The following FARP1 variants were observed in gnomAD, a reference collection of about 807,000 sequenced individuals.
FARP1 encodes FERM, ARH/RhoGEF and pleckstrin domain protein 1, also known as FERM, ARHGEF and pleckstrin domain-containing protein 1.
Under a neutral mutation model 128.8 loss-of-function variants are expected in FARP1, and 52 were observed. The observed-to-expected ratio is 0.40, with a 90% CI of 0.32 to 0.51. FARP1 has a LOEUF of 0.51. Among genes scored for constraint, FARP1 ranks in the 20% least tolerant of loss-of-function variants. The probability of loss-of-function intolerance (pLI) is 0.45; values close to 1 mark genes in which losing one functional copy is unlikely to be tolerated. For synonymous variants in FARP1, 580 were observed against 551.8 expected (o/e 1.05, Z -0.72); for missense variants, 1,333 against 1,367.9 (o/e 0.97, Z 0.40).
chr13:98,312,340 C>T (rs554278876), intron 2 of FARP1, among the ~76,000 whole-genome samples: 55 of 151,872 alleles, frequency 3.6e-4, no homozygotes, highest in African/African-American at 1.0e-3. Context: ...AGGGTTTCAC[C>T]GTGTTAGCCA....
rs1161284083 is a variant in FARP1, at chr13:98,453,459, A to G, written c.*5142A>G. 8.0e-6 allele frequency: 4 copies of G among 496,956 alleles called. No homozygotes were observed. In the East Asian group the frequency reaches 1.4e-4, roughly 17 times the overall value. 30.8% of individuals were successfully genotyped at this position (496,956 alleles called of 1,614,324 possible). On this transcript the variant is annotated 3_prime_UTR_variant, in exon 27 of 27. Transcript: ENST00000319562. ...GAATGGGTTCAGCCTCCCTGGAGAG[A>G]TGTGAATAAAACGGGAAATCATATC...
intron 1 of FARP1, among the ~76,000 whole-genome samples, chr13:98,163,568 ACT>A: frequency 6.6e-6 from 1 of 150,922 alleles, no homozygotes; most frequent in Non-Finnish European, 1.5e-5. Context: ...ATGGGATCTC[ACT>A]CTGTCACCCG....
intron 2 of FARP1, among the ~76,000 whole-genome samples, chr13:98,312,150 T>C (rs1886492564): frequency 7.1e-6 from 1 of 141,388 alleles, no homozygotes; most frequent in Non-Finnish European, 1.5e-5. Flanking sequence ...TTTTTTTTTT[T>C]TTTTCTTTGA....
At chr13:98,271,088 G>A (rs1884368562) in intron 2 of FARP1, among the ~76,000 whole-genome samples, 1 of 152,244 alleles carries the variant, frequency 6.6e-6, no homozygotes. Context: ...CAGGATGACA[G>A]AAGAGCTGAA....
chr13:98,448,178 A>G (rs1028821828), intron 26 of FARP1, 58 bp from the exon 27 acceptor site: 8 of 1,431,570 alleles, frequency 5.6e-6, no homozygotes, highest in Admixed American at 5.0e-5. Context: ...GATGCCCACC[A>G]AAGTGTCAGG....
chr13:98,274,287 C>T (rs778020406), intron 2 of FARP1, among the ~76,000 whole-genome samples: 4 of 152,142 alleles, frequency 2.6e-5, no homozygotes, highest in Non-Finnish European at 5.9e-5. Context: ...TGTTGGCGCA[C>T]AGGGCCATGC....
At chr13:98,210,198 A>G (rs1566744474) in intron 1 of FARP1, among the ~76,000 whole-genome samples, 1 of 152,098 alleles carries the variant, frequency 6.6e-6, no homozygotes, top group East Asian at 1.9e-4. Context: ...CTTGCACCCC[A>G]GATAGCTCTG....
At chr13:98,252,387 T>C (rs931564966) in intron 2 of FARP1, among the ~76,000 whole-genome samples, 11 of 152,238 alleles carry the variant, frequency 7.2e-5, no homozygotes, top group African/African-American at 2.7e-4. Flanking sequence ...ATTCATGTTC[T>C]TGGGTAGGTT....
rs1878017962 is a variant in FARP1, at chr13:98,176,316, C to T, written c.-24+32824C>T. 1 of 1,613,162 alleles carries T rather than the reference C, an allele frequency of 6.2e-7. No individual in the cohort carries two copies. The highest frequency in any genetic ancestry group is 8.5e-7 in the Non-Finnish European group (1 of 1,179,194). On this transcript the variant is annotated intron_variant, in intron 1 of 26. Transcript: ENST00000319562. The surrounding 1 kb of genome is among the most constrained non-coding windows in gnomAD (Gnocchi z 6.2). ...CCTGAAGCTTTTGCAGTTTCGCCAT[C>T]AGTTCTTTGGCGGGGTTAAAGATGC... is the stretch of plus-strand genomic sequence containing the variant.
intron 3 of FARP1, among the ~76,000 whole-genome samples, chr13:98,355,765 G>GT (rs1253482712): frequency 4.6e-5 from 7 of 151,994 alleles, no homozygotes; most frequent in Non-Finnish European, 7.4e-5. Flanking sequence ...AATTAATAGG[G>GT]TTTTTTTGTG....
At chr13:98,212,818 C>T (rs1006401260) in intron 1 of FARP1, among the ~76,000 whole-genome samples, 5 of 152,100 alleles carry the variant, frequency 3.3e-5, no homozygotes, top group Non-Finnish European at 5.9e-5. Context: ...AGAATACCCA[C>T]AGTACTTAGC....
intron 2 of FARP1, among the ~76,000 whole-genome samples, chr13:98,312,890 A>T (rs567670087): frequency 2.4e-4 from 36 of 151,996 alleles, no homozygotes; most frequent in Non-Finnish European, 4.7e-4. Flanking sequence ...TTTATCACAG[A>T]CATAATTTGG....
At chr13:98,367,605 A>G (rs1889151709) in intron 4 of FARP1, among the ~76,000 whole-genome samples, 1 of 152,004 alleles carries the variant, frequency 6.6e-6, no homozygotes, top group South Asian at 2.1e-4. Flanking sequence ...TTTATAAGAT[A>G]CTGATAAAGG....
chr13:98,405,535 A>G (rs975070909), intron 13 of FARP1: 2 of 152,180 alleles, frequency 1.3e-5, no homozygotes, highest in African/African-American at 4.8e-5. Flanking sequence ...GGGTCATGAA[A>G]TCATGGGGAA....
chr13:98,321,660 G>A (rs757937793), intron 2 of FARP1, among the ~76,000 whole-genome samples: 14 of 152,158 alleles, frequency 9.2e-5, no homozygotes, highest in African/African-American at 2.9e-4. Context: ...CGTGCTAAAC[G>A]GGTGCTTCTT....
intron 1 of FARP1, among the ~76,000 whole-genome samples, chr13:98,152,981 AAAT>A (rs1488842749): frequency 1.3e-5 from 2 of 152,074 alleles, no homozygotes. Flanking sequence ...TTCAAGAAAA[AAAT>A]GATGGAAATG....
chr13:98,417,443 C>G (rs1342886750), intron 16 of FARP1, among the ~76,000 whole-genome samples: 1 of 120,490 alleles, frequency 8.3e-6, no homozygotes, highest in Non-Finnish European at 1.6e-5. Flanking sequence ...AAACAGAGGC[C>G]ACCAGAGGTT....
intron 10 of FARP1, 51 bp downstream of exon 10, chr13:98,390,171 C>T (rs754850483): frequency 1.7e-5 from 27 of 1,576,990 alleles, no homozygotes; most frequent in Admixed American, 3.5e-5. Context: ...TTTTTCCTCC[C>T]GCCTCTCACA....
At chr13:98,164,837 T>A (rs1877128922) in intron 1 of FARP1, among the ~76,000 whole-genome samples, 1 of 152,102 alleles carries the variant, frequency 6.6e-6, no homozygotes. Flanking sequence ...CCCAGCACTT[T>A]GGGAGGCCGA....
Sources: allele counts gnomAD v4.1 joint callset (sites outside exome capture counted in the v4.1 genomes callset), GRCh38; gene constraint gnomAD v4.1.1; non-coding constraint Gnocchi (gnomAD v3.1); transcripts MANE v1.5; gene names NCBI Gene and HGNC (gene_info 2026-07-23, HGNC 2026-07-21).